The following FBXO4 variants were observed in gnomAD, a reference collection of about 807,000 sequenced individuals.
FBXO4 encodes F-box only protein 4.
FBXO4 carries 36 observed loss-of-function variants against 43.7 expected under a neutral mutation model. The ratio of observed to expected loss-of-function variants is 0.82; its 90% CI spans 0.63 to 1.09. The LOEUF is 1.09. Among genes scored for constraint, FBXO4 ranks in the 50% least tolerant of loss-of-function variants. The pLI is 0.00. For synonymous variants in FBXO4, 180 were observed against 165.6 expected, an observed-to-expected ratio of 1.09 and a Z score of -0.67; for missense variants, 435 against 474.1, an observed-to-expected ratio of 0.92 and a Z score of 0.77.
chr5:41,974,266 AT>A, the FBXO4 span, among the ~76,000 whole-genome samples: 2 of 152,112 alleles, frequency 1.3e-5, no homozygotes, highest in African/African-American at 4.8e-5. Flanking sequence ...TCTGTCATCA[AT>A]TTTGGAGAAT....
the FBXO4 span, among the ~76,000 whole-genome samples, chr5:41,971,765 A>T: frequency 6.6e-6 from 1 of 152,134 alleles, no homozygotes; most frequent in African/African-American, 2.4e-5. Flanking sequence ...AGGAAGAAAT[A>T]GATTGATTAA....
chr5:41,937,214 C>G (rs1394052623), intron 5 of FBXO4, among the ~76,000 whole-genome samples: 5 of 152,098 alleles, frequency 3.3e-5, no homozygotes, highest in African/African-American at 1.2e-4. Flanking sequence ...AAAAATACAT[C>G]TAGGCACATC....
chr5:41,934,411 A>G (rs1751794754), intron 5 of FBXO4, 103 bp downstream of exon 5: 2 of 1,543,768 alleles, frequency 1.3e-6, no homozygotes, highest in Admixed American at 1.9e-5. Flanking sequence ...ATGATGGCTT[A>G]TTTTATCAAT....
the FBXO4 span, among the ~76,000 whole-genome samples, chr5:41,987,712 G>A: frequency 2.0e-5 from 3 of 152,258 alleles, no homozygotes; most frequent in Non-Finnish European, 4.4e-5. Context: ...CCATCTTCCT[G>A]TAATTGAAAG....
the FBXO4 span, among the ~76,000 whole-genome samples, chr5:41,999,519 A>ACG: frequency 1.7e-5 from 2 of 115,524 alleles, 1 homozygote; most frequent in African/African-American, 8.5e-5. Flanking sequence ...ATATATATAT[A>ACG]TATACATATA....
chr5:42,018,921 C>T, the FBXO4 span, among the ~76,000 whole-genome samples: 50 of 152,088 alleles, frequency 3.3e-4, no homozygotes, highest in Non-Finnish European at 4.6e-4. Context: ...GGGTAGCAGC[C>T]TCCTAGCAGC....
At chr5:41,928,786 C>T (rs955414876) in intron 2 of FBXO4, 2 of 152,312 alleles carry the variant, frequency 1.3e-5, no homozygotes, top group African/African-American at 4.8e-5. Context: ...TCATGAGTTA[C>T]AAGGTTTCTA....
At chr5:42,037,783 C>T in the FBXO4 span, among the ~76,000 whole-genome samples, 1 of 152,080 alleles carries the variant, frequency 6.6e-6, no homozygotes, top group Non-Finnish European at 1.5e-5. Context: ...ATCCTCCTAA[C>T]CCCAACTAAT....
At chr5:41,971,765 AGATT>A in the FBXO4 span, among the ~76,000 whole-genome samples, 15 of 152,134 alleles carry the variant, frequency 9.9e-5, no homozygotes, top group African/African-American at 3.4e-4. Context: ...AGGAAGAAAT[AGATT>A]GATTAAAATA....
chr5:42,010,781 T>C, the FBXO4 span, among the ~76,000 whole-genome samples: 3 of 152,198 alleles, frequency 2.0e-5, no homozygotes, highest in African/African-American at 2.4e-5. Context: ...CTGTTTTTCA[T>C]AGGGGCTGCA....
Position 41,941,371 on chromosome 5 carries a change from C to T in FBXO4, c.*90C>T. On this transcript the variant is annotated 3_prime_UTR_variant, in exon 7 of 7. Coordinates refer to ENST00000281623, the MANE Select transcript of FBXO4 (RefSeq NM_012176.3). ...ATTTGCTCAGTCAGCCCACCTTGTC[C>T]TGCCTTTTTGCAGATAGGCTTTCAT... 1 of 1,119,874 alleles carries T rather than the reference C, an allele frequency of 8.9e-7. No individual in the cohort carries two copies. The highest frequency in any genetic ancestry group is 1.8e-5 in the Admixed American group (1 of 55,810). 69.4% of individuals were successfully genotyped at this position (1,119,874 alleles called of 1,614,324 possible).
the FBXO4 span, among the ~76,000 whole-genome samples, chr5:41,965,276 T>C: frequency 4.6e-5 from 7 of 152,284 alleles, no homozygotes; most frequent in East Asian, 1.4e-3. Context: ...ATGCTGTTTT[T>C]GTTACTGTAG....
chr5:41,983,840 A>G, the FBXO4 span, among the ~76,000 whole-genome samples: 1 of 151,934 alleles, frequency 6.6e-6, no homozygotes, highest in Non-Finnish European at 1.5e-5. Flanking sequence ...TTAAAATTTT[A>G]CTAGTGTTAT....
At chr5:42,021,752 C>A in the FBXO4 span, among the ~76,000 whole-genome samples, 15 of 152,160 alleles carry the variant, frequency 9.9e-5, no homozygotes, top group South Asian at 2.5e-3. Flanking sequence ...AGGAGACTTT[C>A]GCTTCTCATT....
chr5:41,998,999 CGT>C, the FBXO4 span, among the ~76,000 whole-genome samples: 1 of 151,304 alleles, frequency 6.6e-6, no homozygotes, highest in Admixed American at 6.6e-5. Context: ...AGCTTCATTA[CGT>C]TCCTTGGTTC....
chr5:41,938,989 T>G (rs1751925106), intron 5 of FBXO4, among the ~76,000 whole-genome samples: 1 of 152,228 alleles, frequency 6.6e-6, no homozygotes, highest in Non-Finnish European at 1.5e-5. Flanking sequence ...CAACCGTGTC[T>G]TAAAGCCTAA....
the FBXO4 span, chr5:41,963,878 T>A: frequency 1.3e-5 from 2 of 152,162 alleles, no homozygotes; most frequent in Non-Finnish European, 2.9e-5. Flanking sequence ...TAAAGGCTAG[T>A]CAACTGAAGC....
chr5:41,959,957 G>A, the FBXO4 span, among the ~76,000 whole-genome samples: 2 of 79,446 alleles, frequency 2.5e-5, no homozygotes, highest in African/African-American at 5.1e-5. Context: ...GGTAGAATGG[G>A]CATTTTAAAA....
the FBXO4 span, among the ~76,000 whole-genome samples, chr5:41,973,779 C>A: frequency 1.3e-5 from 2 of 152,134 alleles, no homozygotes; most frequent in Non-Finnish European, 2.9e-5. Context: ...ATTCTTTTTA[C>A]TTTTACATAA....
Sources: gnomAD v4.1 joint callset for allele counts (sites outside exome capture counted in the v4.1 genomes callset) on GRCh38, gnomAD v4.1.1 for gene constraint, MANE v1.5 for transcripts, NCBI Gene and HGNC (gene_info 2026-07-23, HGNC 2026-07-21) for gene names.